The following FRMD4A variants were observed in gnomAD, a reference collection of about 807,000 sequenced individuals.
FRMD4A encodes the protein FERM domain containing 4A.
Under a neutral mutation model 129.1 loss-of-function variants are expected in FRMD4A, and 29 were observed. That is an observed-to-expected ratio of 0.22 (90% confidence interval 0.17 to 0.31). FRMD4A has a LOEUF of 0.31. FRMD4A is among the 10% of genes least tolerant of loss of function. The pLI, the probability that FRMD4A is intolerant of heterozygous loss-of-function variation, is 1.00. For synonymous variants in FRMD4A, 634 were observed against 571.6 expected (o/e 1.11, Z -1.56); for missense variants, 1,272 against 1,375.8 (o/e 0.92, Z 1.19).
rs1248266806 is a variant in FRMD4A, at chr10:13,643,897, C to T, written c.*3141G>A. ...AACAGAATCCAGTAAAATCATTTTA[C>T]ATGCTCTACAGTCAGTTTCAGGAGC... On this transcript the variant is annotated 3_prime_UTR_variant, in exon 25 of 25. Coordinates refer to ENST00000357447, the MANE Select transcript of FRMD4A (RefSeq NM_018027.5). 2 of 152,652 alleles carry T rather than the reference C, an allele frequency of 1.3e-5. No individual in the cohort carries two copies. Among genetic ancestry groups the T allele is most frequent in the Non-Finnish European group, 2.9e-5 (2 of 68,032 alleles). 9.5% of individuals were successfully genotyped at this position (152,652 alleles called of 1,614,324 possible).
chr10:13,668,476 C>A (rs1284025955), intron 17 of FRMD4A: 2 of 152,250 alleles, frequency 1.3e-5, no homozygotes, highest in African/African-American at 4.8e-5. Context: ...AATAGGGAAG[C>A]AAAGTGCGTT....
chr10:14,059,416 A>T (rs1239416370), intron 2 of FRMD4A, among the ~76,000 whole-genome samples: 1 of 152,138 alleles, frequency 6.6e-6, no homozygotes, highest in Non-Finnish European at 1.5e-5. Flanking sequence ...TGAGGCCCTG[A>T]TTGGATAGGA....
intron 5 of FRMD4A, among the ~76,000 whole-genome samples, chr10:13,793,074 C>T (rs926557266): frequency 2.0e-4 from 31 of 152,170 alleles, no homozygotes; most frequent in African/African-American, 7.2e-4. Flanking sequence ...AATAGCCCAA[C>T]CTGGGTTACT....
chr10:13,954,984 T>G (rs998043004), intron 2 of FRMD4A, among the ~76,000 whole-genome samples: 7 of 152,196 alleles, frequency 4.6e-5, no homozygotes, highest in Admixed American at 1.3e-4. Context: ...CTTTTAGCCA[T>G]GGACACAATT....
intron 4 of FRMD4A, among the ~76,000 whole-genome samples, chr10:13,803,969 C>G (rs1424304719): frequency 6.6e-6 from 1 of 152,186 alleles, no homozygotes; most frequent in Non-Finnish European, 1.5e-5. Context: ...AGGGAGAAAG[C>G]CGCATCCCTA....
intron 2 of FRMD4A, among the ~76,000 whole-genome samples, chr10:14,070,670 ATATTAT>A (rs563725325): frequency 1.9e-3 from 294 of 152,230 alleles, no homozygotes; most frequent in Non-Finnish European, 3.2e-3. Context: ...ATTATTTGTT[ATATTAT>A]ATTCTTTGTT....
intron 21 of FRMD4A, 32 bp from the exon 22 acceptor site, chr10:13,657,554 G>T: frequency 6.5e-7 from 1 of 1,530,068 alleles, no homozygotes; most frequent in Non-Finnish European, 8.8e-7. Context: ...TGGTCTGGGG[G>T]TGGGGAGTGG....
intron 2 of FRMD4A, among the ~76,000 whole-genome samples, chr10:13,959,459 A>C (rs1310937976): frequency 8.8e-6 from 1 of 113,388 alleles, no homozygotes; most frequent in Admixed American, 1.2e-4. Flanking sequence ...GTGACAGAGC[A>C]AGACTGTTTC....
intron 2 of FRMD4A, among the ~76,000 whole-genome samples, chr10:13,904,200 T>G (rs2094853566): frequency 6.6e-6 from 1 of 151,952 alleles, no homozygotes; most frequent in Admixed American, 6.6e-5. Flanking sequence ...TGCCTGCCTG[T>G]CTGGCCTCAC....
chr10:13,991,877 A>G (rs2095604802), intron 2 of FRMD4A: 1 of 152,548 alleles, frequency 6.6e-6, no homozygotes, highest in Non-Finnish European at 1.5e-5. Flanking sequence ...GTAATCTAAA[A>G]TAGAAAAAAA....
chr10:14,316,346 G>T (rs1199694647), intron 2 of FRMD4A, among the ~76,000 whole-genome samples: 1 of 152,002 alleles, frequency 6.6e-6, no homozygotes, highest in East Asian at 1.9e-4. Context: ...GCCCCCTCTT[G>T]CTCTTTCTTG....
intron 2 of FRMD4A, among the ~76,000 whole-genome samples, chr10:14,245,410 G>A (rs1844198007): frequency 6.6e-6 from 1 of 152,198 alleles, no homozygotes; most frequent in Non-Finnish European, 1.5e-5. Flanking sequence ...ATAAAACACT[G>A]AGGGAGTAAG....
At chr10:14,247,143 T>G (rs562066686) in intron 2 of FRMD4A, among the ~76,000 whole-genome samples, 2 of 152,192 alleles carry the variant, frequency 1.3e-5, no homozygotes, top group South Asian at 4.2e-4. Flanking sequence ...AGCTCAAACT[T>G]GCCGATCCCC....
At chr10:13,779,995 C>T (rs984840317) in intron 6 of FRMD4A, among the ~76,000 whole-genome samples, 1 of 151,980 alleles carries the variant, frequency 6.6e-6, no homozygotes, top group Non-Finnish European at 1.5e-5. Context: ...ATGTGCATGC[C>T]GGGGGTAGCC....
chr10:14,046,051 G>A (rs1009623398), intron 2 of FRMD4A, among the ~76,000 whole-genome samples: 4 of 150,842 alleles, frequency 2.7e-5, no homozygotes, highest in Non-Finnish European at 5.9e-5. Flanking sequence ...GTATTGAAAA[G>A]TATATTTCAA....
intron 5 of FRMD4A, 138 bp downstream of exon 5, chr10:13,796,358 C>A (rs1430692983): frequency 1.5e-6 from 1 of 648,404 alleles, no homozygotes; most frequent in East Asian, 2.6e-5. Context: ...ATGAGGCATG[C>A]AGCTCTACTA....
chr10:13,704,458 C>G (rs749168346), intron 13 of FRMD4A, among the ~76,000 whole-genome samples: 2 of 152,128 alleles, frequency 1.3e-5, no homozygotes, highest in Admixed American at 6.5e-5. Context: ...ATTTGTTTAT[C>G]CTAATTGAGA....
At chr10:13,781,202 G>A (rs894761347) in intron 6 of FRMD4A, among the ~76,000 whole-genome samples, 2 of 150,992 alleles carry the variant, frequency 1.3e-5, no homozygotes, top group Non-Finnish European at 3.0e-5. Flanking sequence ...TACTTAGGAG[G>A]GTGAAGTAGG....
chr10:14,094,381 T>G (rs898411923), intron 2 of FRMD4A, among the ~76,000 whole-genome samples: 1 of 152,156 alleles, frequency 6.6e-6, no homozygotes, highest in East Asian at 1.9e-4. Flanking sequence ...ATCACAGAAC[T>G]GAAGCAAGTG....
Sources: gnomAD v4.1 joint callset for allele counts (sites outside exome capture counted in the v4.1 genomes callset) on GRCh38, gnomAD v4.1.1 for gene constraint, MANE v1.5 for transcripts, NCBI Gene and HGNC (gene_info 2026-07-23, HGNC 2026-07-21) for gene names.